ELOVL6: variants seen among roughly 807,000 people sequenced by gnomAD.
ELOVL6 encodes the protein very long chain fatty acid elongase 6.
In ELOVL6, 8 loss-of-function variants were observed where a neutral mutation model predicts 31.7. That is an observed-to-expected ratio of 0.25 (90% CI 0.15 to 0.45). ELOVL6 has a LOEUF of 0.45. Among genes scored for constraint, ELOVL6 ranks in the 20% least tolerant of loss-of-function variants. The pLI is 1.00. For synonymous variants in ELOVL6, 101 were observed against 117.7 expected (o/e 0.86, Z 0.92); for missense variants, 126 against 326.4 (o/e 0.39, Z 4.73).
In ELOVL6 at chr4:110,051,507, C is replaced by G; in HGVS notation, c.629G>C (p.Cys210Ser). ...LSQITQMLMG[C>S]VVNYLVFCWM... Reference sequence around the variant, plus strand: ...GCAGAAGACCAGGTAGTTAACCACACAGCCCATCAGCATCTGAGTGATCTG... The same window carrying G: ...GCAGAAGACCAGGTAGTTAACCACAGAGCCCATCAGCATCTGAGTGATCTG... Residue 210 changes from cysteine to serine, a missense_variant, in exon 4 of 4, where the codon TGT (cysteine) becomes TCT (serine). Physicochemically the swap from Cys to Ser is moderately radical, Grantham distance 112. Around this residue, in one of 3 missense-constraint regions of ELOVL6, gnomAD observed 57 missense variants for 110.2 expected, o/e 0.52. Coordinates refer to ENST00000302274, the MANE Select transcript of ELOVL6 (RefSeq NM_024090.3). This position sits in a 1 kb window ranked among gnomAD's most constrained non-coding sequence, Gnocchi z 4.8. The G allele has an allele frequency of 6.2e-7, 1 of 1,614,232 alleles. No individual in the cohort carries two copies. Among genetic ancestry groups the G allele is most frequent in the African/African-American group, 1.3e-5 (1 of 75,072 alleles).
rs753675533 is a variant in ELOVL6, at chr4:110,059,744, C to T, written c.232G>A (p.Ala78Thr). 62 of 1,611,790 alleles carry T rather than the reference C, an allele frequency of 3.8e-5. No homozygotes were observed. Among genetic ancestry groups the T allele is most frequent in the Non-Finnish European group, 2.7e-5 (32 of 1,179,252 alleles). ...LTLAVFSIFG[A>T]LRTGAYMVYI... ...ACCATATAAGCACCAGTTCGAAGAG[C>T]ACCGAATATACTTCATAATGAAAAG... The change falls in exon 3 of 4, where the codon GCT (alanine) becomes ACT (threonine). Residue 78 changes from alanine to threonine, a missense_variant. Around this residue, in one of 3 missense-constraint regions of ELOVL6, gnomAD observed 53 missense variants for 193.4 expected, o/e 0.27. Coordinates refer to ENST00000302274, the MANE Select transcript of ELOVL6 (RefSeq NM_024090.3).
rs754304243 is a variant in ELOVL6 at position 110,068,272 on chromosome 4, A to G, written c.222-8518T>C. 9.2e-5 allele frequency among the ~76,000 whole-genome samples: 14 copies of G among 152,366 alleles called. 1 individual carries two copies. The highest frequency in any genetic ancestry group is 4.1e-4 in the South Asian group (2 of 4,828). On this transcript the variant is annotated intron_variant, in intron 2 of 3. Transcript: ENST00000302274. Reference sequence around the variant, plus strand: ...ATGGTACCTAAAAATGACTAATAGTATCATATGATGATAATCTTGAACTCC... The same window carrying G: ...ATGGTACCTAAAAATGACTAATAGTGTCATATGATGATAATCTTGAACTCC...
chr4:110,176,351 T>C (rs1759104831), intron 1 of ELOVL6, among the ~76,000 whole-genome samples: 1 of 152,054 alleles, frequency 6.6e-6, no homozygotes, highest in Non-Finnish European at 1.5e-5. Flanking sequence ...TTAACAGAGA[T>C]GGGGTTTCAC....
At chr4:110,189,416 G>A (rs1347942705) in intron 1 of ELOVL6, among the ~76,000 whole-genome samples, 1 of 150,790 alleles carries the variant, frequency 6.6e-6, no homozygotes, top group African/African-American at 2.4e-5. Flanking sequence ...GTGAAACCCC[G>A]TCTCTGCTAA....
At chr4:110,095,797 G>T (rs1228047312) in intron 2 of ELOVL6, among the ~76,000 whole-genome samples, 3 of 142,432 alleles carry the variant, frequency 2.1e-5, no homozygotes, top group Non-Finnish European at 4.5e-5. Context: ...TAATTGGAGG[G>T]TCCAGGGTGG....
chr4:110,190,429 C>T (rs985319120), intron 1 of ELOVL6, among the ~76,000 whole-genome samples: 1 of 152,158 alleles, frequency 6.6e-6, no homozygotes, highest in Non-Finnish European at 1.5e-5. Context: ...TGACATGGTT[C>T]CAAGCTTTGG....
At chr4:110,084,295 A>G (rs1343013125) in intron 2 of ELOVL6, among the ~76,000 whole-genome samples, 5 of 122,294 alleles carry the variant, frequency 4.1e-5, no homozygotes, top group East Asian at 2.2e-4. Flanking sequence ...TAACTTATAT[A>G]TGATATATAA....
At chr4:110,076,425 C>T (rs147583266) in intron 2 of ELOVL6, among the ~76,000 whole-genome samples, 520 of 152,238 alleles carry the variant, frequency 3.4e-3, no homozygotes, top group African/African-American at 0.012. Context: ...AATAATAGAA[C>T]ACACAGAGAA....
At chr4:110,173,389 G>C (rs547452989) in intron 1 of ELOVL6, among the ~76,000 whole-genome samples, 5 of 152,070 alleles carry the variant, frequency 3.3e-5, no homozygotes, top group African/African-American at 1.2e-4. Flanking sequence ...TCTCATCCTA[G>C]AACATCCAGG....
chr4:110,085,108 A>G (rs56338714), intron 2 of ELOVL6, among the ~76,000 whole-genome samples: 37,791 of 152,140 alleles, frequency 0.25, 4,931 homozygotes, highest in Non-Finnish European at 0.29. Context: ...TTAAGATGGG[A>G]CATCAAAGAA....
intron 2 of ELOVL6, among the ~76,000 whole-genome samples, chr4:110,074,424 G>T (rs1390935780): frequency 1.3e-5 from 2 of 152,184 alleles, no homozygotes; most frequent in Non-Finnish European, 2.9e-5. Flanking sequence ...GGAGGGTCAT[G>T]AGATTTTAAT....
At chr4:110,084,398 T>TATGACATATGACATAC (rs1203708461) in intron 2 of ELOVL6, among the ~76,000 whole-genome samples, 1 of 96,540 alleles carries the variant, frequency 1.0e-5, no homozygotes, top group Non-Finnish European at 2.2e-5. Flanking sequence ...ATATATGATA[T>TATGACATATGACATAC]ATGATATATG....
chr4:110,146,204 A>AT (rs1408412784), intron 1 of ELOVL6, among the ~76,000 whole-genome samples: 4 of 152,146 alleles, frequency 2.6e-5, no homozygotes, highest in Non-Finnish European at 5.9e-5. Context: ...CAGCCAACTG[A>AT]TTTTTGGCAA....
chr4:110,066,888 G>GT lies in ELOVL6; in HGVS notation c.222-7135dup, dbSNP rs35878089. 9.6e-3 allele frequency among the ~76,000 whole-genome samples: 1,454 copies of GT among 152,084 alleles called. 12 individuals carry two copies. The highest frequency in any genetic ancestry group is 0.016 in the Non-Finnish European group (1,103 of 67,978). On this transcript the variant is annotated intron_variant, in intron 2 of 3. Coordinates refer to ENST00000302274, the MANE Select transcript of ELOVL6 (RefSeq NM_024090.3). ...AGGTTTTAAGCCCTGCACACATTAG[G>GT]TATTTGTCCTAATGCTCTCCCTCCC...
At chr4:110,084,586 ATATTTTTTT>A (rs1279715342) in intron 2 of ELOVL6, among the ~76,000 whole-genome samples, 2 of 39,606 alleles carry the variant, frequency 5.0e-5, no homozygotes, top group East Asian at 1.1e-3. Context: ...ATATATATAT[ATATTTTTTT>A]TTTTTTTTTT....
intron 2 of ELOVL6, among the ~76,000 whole-genome samples, chr4:110,084,139 T>C (rs1225789647): frequency 6.9e-5 from 6 of 86,806 alleles, no homozygotes; most frequent in Non-Finnish European, 7.8e-5. Context: ...GTGATAATGA[T>C]ATATATGATA....
At chr4:110,184,637 G>A (rs749231047) in intron 1 of ELOVL6, among the ~76,000 whole-genome samples, 1 of 152,134 alleles carries the variant, frequency 6.6e-6, no homozygotes, top group Admixed American at 6.6e-5. Context: ...TAGTCCTGGG[G>A]AGCTAAAGGA....
Position 110,140,975 on chromosome 4 carries a change from C to T in ELOVL6, c.90-35347G>A, listed in dbSNP as rs1468267899. On this transcript the variant is annotated intron_variant, in intron 1 of 3. Coordinates refer to ENST00000302274, the MANE Select transcript of ELOVL6 (RefSeq NM_024090.3). ...GGCTGGGGAGGCCTCACAATCACGG[C>T]AGCTTACGGGATTGTTGAGAAATGA... Among the ~76,000 whole-genome samples, 5 of 152,142 alleles carry T rather than the reference C, an allele frequency of 3.3e-5. No homozygotes were observed. In the East Asian group the frequency reaches 7.7e-4, roughly 23 times the overall value.
chr4:110,197,290 A>C (rs1439897127), intron 1 of ELOVL6, among the ~76,000 whole-genome samples: 1 of 152,240 alleles, frequency 6.6e-6, no homozygotes, highest in Non-Finnish European at 1.5e-5. Flanking sequence ...AAGAAGCGAG[A>C]TGAGCACACC....
Sources: allele counts gnomAD v4.1 joint callset (sites outside exome capture counted in the v4.1 genomes callset), GRCh38; gene constraint gnomAD v4.1.1; regional missense constraint gnomAD v4.1.1; non-coding constraint Gnocchi (gnomAD v3.1); transcripts MANE v1.5; gene names NCBI Gene and HGNC (gene_info 2026-07-23, HGNC 2026-07-21).